The following PREP variants were observed in gnomAD, a reference collection of about 807,000 sequenced individuals.
The protein encoded by PREP is dJ355L5.1 (prolyl endopeptidase).
In PREP, 29 loss-of-function variants were observed where a neutral mutation model predicts 87.6. The ratio of observed to expected loss-of-function variants is 0.33; its 90% confidence interval spans 0.25 to 0.45. The LOEUF is 0.45. PREP is among the 20% of genes least tolerant of loss of function. The pLI, the probability that PREP is intolerant of heterozygous loss-of-function variation, is 1.00. For missense variants in PREP, 695 were observed against 886.5 expected (o/e 0.78, Z 2.74); for synonymous variants, 337 against 328.6 (o/e 1.03, Z -0.28).
chr6:105,333,547 A>C (rs759953501), intron 7 of PREP, 42 bp from the exon 8 acceptor site: 2 of 1,594,058 alleles, frequency 1.3e-6, no homozygotes, highest in South Asian at 1.1e-5. Flanking sequence ...TCTAATGTTT[A>C]AAAATGGTGT....
In PREP at chr6:105,275,087, C is replaced by A. The variant is rs1322799520; in HGVS notation, c.*3057G>T. ...ATGTTCCTCCTTCAAGGGCCTCAGT[C>A]CTCATCCCACTGGCCTGACCACCCC... On this transcript the variant is annotated 3_prime_UTR_variant, in exon 15 of 15. Coordinates refer to ENST00000652536, the MANE Select transcript of PREP (RefSeq NM_002726.5). 6.6e-6 allele frequency among the ~76,000 whole-genome samples: 1 copy of A among 152,180 alleles called. No individual in the cohort carries two copies. The highest frequency in any genetic ancestry group is 1.5e-5 in the Non-Finnish European group (1 of 68,030).
At chr6:105,281,601 A>C in intron 14 of PREP, 145 bp downstream of exon 14, 1 of 968,288 alleles carries the variant, frequency 1.0e-6, no homozygotes, top group Non-Finnish European at 1.5e-6. Context: ...AAGAAAGACA[A>C]GTAGGTAGTC....
intron 10 of PREP, among the ~76,000 whole-genome samples, chr6:105,310,742 C>T (rs1770743808): frequency 6.6e-6 from 1 of 152,166 alleles, no homozygotes; most frequent in Admixed American, 6.5e-5. Context: ...GTGACTTTGC[C>T]CTTGTCCCTG....
chr6:105,352,226 G>A (rs1275690613), intron 7 of PREP, among the ~76,000 whole-genome samples: 2 of 152,162 alleles, frequency 1.3e-5, no homozygotes, highest in Non-Finnish European at 2.9e-5. Context: ...TGTCTGATAG[G>A]ATTTCTGGGT....
At chr6:105,401,596 T>A (rs1773432174) in intron 1 of PREP, among the ~76,000 whole-genome samples, 1 of 147,720 alleles carries the variant, frequency 6.8e-6, no homozygotes, top group South Asian at 2.1e-4. Context: ...CAGGATCACT[T>A]TACTCCCATA....
chr6:105,352,162 T>G (rs540712998), intron 7 of PREP, among the ~76,000 whole-genome samples: 12 of 152,330 alleles, frequency 7.9e-5, no homozygotes, highest in African/African-American at 2.9e-4. Flanking sequence ...TATTTTGCAT[T>G]AACTAGAAGA....
At chr6:105,291,178 G>A (rs914737349) in intron 10 of PREP, among the ~76,000 whole-genome samples, 4 of 152,036 alleles carry the variant, frequency 2.6e-5, no homozygotes, top group African/African-American at 9.7e-5. Flanking sequence ...CTTTTTTGCT[G>A]GTGGAGGGCC....
At chr6:105,332,213 C>A (rs1258493881) in intron 8 of PREP, among the ~76,000 whole-genome samples, 1 of 151,960 alleles carries the variant, frequency 6.6e-6, no homozygotes, top group African/African-American at 2.4e-5. Flanking sequence ...GGCCAAGGGA[C>A]CTGCAGAAAA....
chr6:105,342,107 C>T (rs1029961145), intron 7 of PREP, among the ~76,000 whole-genome samples: 5 of 152,174 alleles, frequency 3.3e-5, no homozygotes, highest in Non-Finnish European at 7.3e-5. Flanking sequence ...ACCAATATCC[C>T]TGATGAACAT....
At chr6:105,349,820 T>A (rs989450992) in intron 7 of PREP, among the ~76,000 whole-genome samples, 2 of 149,210 alleles carry the variant, frequency 1.3e-5, no homozygotes, top group African/African-American at 5.0e-5. Flanking sequence ...TCAAGTTAAC[T>A]AGTGCATTTA....
intron 2 of PREP, among the ~76,000 whole-genome samples, chr6:105,385,299 A>AG (rs1481769718): frequency 6.6e-6 from 1 of 151,350 alleles, no homozygotes; most frequent in Non-Finnish European, 1.5e-5. Flanking sequence ...AAAAAAAAAA[A>AG]AAAGAAAAAA....
intron 14 of PREP, chr6:105,279,040 G>C (rs890346559): frequency 3.3e-5 from 5 of 152,194 alleles, no homozygotes; most frequent in African/African-American, 1.2e-4. Context: ...TTTGCCAGAG[G>C]AGGAGGGCAC....
chr6:105,283,820 A>T (rs974953229), intron 12 of PREP, among the ~76,000 whole-genome samples: 3 of 152,208 alleles, frequency 2.0e-5, no homozygotes, highest in Admixed American at 1.3e-4. Flanking sequence ...TAATCCCAAG[A>T]CTGGAAAATA....
At chr6:105,300,412 T>C (rs1035263630) in intron 10 of PREP, among the ~76,000 whole-genome samples, 1 of 152,166 alleles carries the variant, frequency 6.6e-6, no homozygotes, top group Admixed American at 6.5e-5. Context: ...ACCAAAAAAA[T>C]TCCATTTCAA....
At chr6:105,327,524 C>A (rs942026413) in intron 9 of PREP, among the ~76,000 whole-genome samples, 1 of 152,182 alleles carries the variant, frequency 6.6e-6, no homozygotes, top group Non-Finnish European at 1.5e-5. Flanking sequence ...ATAACCCTGA[C>A]AGCAACCTAC....
chr6:105,330,407 G>C (rs1771295929), intron 8 of PREP, among the ~76,000 whole-genome samples: 1 of 152,186 alleles, frequency 6.6e-6, no homozygotes, highest in African/African-American at 2.4e-5. Flanking sequence ...CTTGATGCCT[G>C]CAGGGATATG....
At chr6:105,306,140 G>GC (rs1261745446) in intron 10 of PREP, among the ~76,000 whole-genome samples, 3 of 152,064 alleles carry the variant, frequency 2.0e-5, no homozygotes, top group African/African-American at 7.2e-5. Context: ...ACCTTGCCCA[G>GC]CCCTATATAT....
In PREP at chr6:105,278,484, G is replaced by C. The variant is rs747422563; in HGVS notation, c.1839-46C>G. The C allele has an allele frequency of 4.5e-6, 7 of 1,553,832 alleles. No homozygotes were observed. The South Asian group carries it at 7.1e-5, about 16-fold the overall frequency. Reference sequence around the variant, plus strand: ...TGTGAGGCTGGAGAGCAACAGTAGAGTTTTATGGCACAGGGACCTAGGTAG... The same window carrying C: ...TGTGAGGCTGGAGAGCAACAGTAGACTTTTATGGCACAGGGACCTAGGTAG... On this transcript the variant is annotated intron_variant, in intron 14 of 14. Coordinates refer to ENST00000652536, the MANE Select transcript of PREP (RefSeq NM_002726.5). This position sits in a 1 kb window ranked among gnomAD's most constrained non-coding sequence, Gnocchi z 4.2.
chr6:105,329,657 C>T (rs1195297154), intron 8 of PREP, among the ~76,000 whole-genome samples: 1 of 152,192 alleles, frequency 6.6e-6, no homozygotes, highest in Middle Eastern at 3.2e-3. Context: ...AAAGCCAAAT[C>T]ACGGTTCATG....
Sources: gnomAD v4.1 joint callset for allele counts (sites outside exome capture counted in the v4.1 genomes callset) on GRCh38, gnomAD v4.1.1 for gene constraint, Gnocchi (gnomAD v3.1) non-coding constraint, MANE v1.5 for transcripts, NCBI Gene and HGNC (gene_info 2026-07-23, HGNC 2026-07-21) for gene names.